PRKN: variants seen among roughly 807,000 people sequenced by gnomAD.
PRKN encodes the protein parkin RBR E3 ubiquitin protein ligase, also known as E3 ubiquitin-protein ligase parkin.
A neutral mutation model predicts 59.5 loss-of-function variants in PRKN; 56 were observed. That is an observed-to-expected ratio of 0.94 (90% CI 0.76 to 1.18). The LOEUF is 1.18. Among genes scored for constraint, PRKN ranks in the 50% most tolerant of loss-of-function variants. PRKN has a pLI of 0.00. For missense variants in PRKN, 657 were observed against 596.4 expected, an observed-to-expected ratio of 1.10 and a Z score of -1.06; for synonymous variants, 250 against 222.1, an observed-to-expected ratio of 1.13 and a Z score of -1.12.
At chr6:162,099,671 C>T (rs774393175) in intron 4 of PRKN, among the ~76,000 whole-genome samples, 5 of 152,120 alleles carry the variant, frequency 3.3e-5, no homozygotes, top group Non-Finnish European at 7.3e-5. Context: ...AAAATGATAT[C>T]TATTTATTGT....
At chr6:161,969,057 G>A (rs1450468705) in intron 6 of PRKN, among the ~76,000 whole-genome samples, 2 of 152,108 alleles carry the variant, frequency 1.3e-5, no homozygotes, top group Non-Finnish European at 1.5e-5. Flanking sequence ...CAAAAATTAT[G>A]CTGAAAGAGA....
intron 5 of PRKN, among the ~76,000 whole-genome samples, chr6:162,005,168 G>A (rs1328814046): frequency 6.6e-6 from 1 of 152,128 alleles, no homozygotes; most frequent in Non-Finnish European, 1.5e-5. Flanking sequence ...AAGAAAAAGG[G>A]AAATGACAAC....
chr6:161,411,970 C>T (rs200722286), intron 9 of PRKN, among the ~76,000 whole-genome samples: 2 of 85,564 alleles, frequency 2.3e-5, no homozygotes, highest in Non-Finnish European at 4.8e-5. Context: ...TCCTTCCTCA[C>T]CCATTCCTTC....
intron 6 of PRKN, among the ~76,000 whole-genome samples, chr6:161,945,864 C>A (rs550062173): frequency 1.1e-4 from 16 of 152,272 alleles, no homozygotes; most frequent in African/African-American, 3.4e-4. Context: ...TTAAAGCTCC[C>A]GAAATGGATG....
At position 161,842,650 on chromosome 6, in the gene PRKN, CA is replaced by C. The variant is rs1386380064; in HGVS notation, c.735-56743del. On this transcript the variant is annotated intron_variant, in intron 6 of 11. Coordinates refer to ENST00000366898, the MANE Select transcript of PRKN (RefSeq NM_004562.3). ...CACGATCTCAGCTCACTGCAACCAC[CA>C]CTTCCAGGGTTCACACGATTCTCCT... is the stretch of plus-strand genomic sequence containing the variant. 3.9e-3 allele frequency among the ~76,000 whole-genome samples: 599 copies of C among 152,090 alleles called. 5 individuals carry two copies. Among genetic ancestry groups the C allele is most frequent in the African/African-American group, 0.014 (574 of 41,506 alleles).
chr6:162,324,862 G>A (rs1212710651), intron 2 of PRKN, among the ~76,000 whole-genome samples: 1 of 152,024 alleles, frequency 6.6e-6, no homozygotes, highest in Non-Finnish European at 1.5e-5. Context: ...TGTCTCACAT[G>A]AACCAATGGC....
chr6:162,271,664 A>C (rs1780400789), intron 2 of PRKN: 1 of 152,220 alleles, frequency 6.6e-6, no homozygotes, highest in Admixed American at 6.5e-5. Context: ...AGATGTTCAC[A>C]GTAAGTCAGA....
chr6:161,831,433 G>A (rs1195334752), intron 6 of PRKN, among the ~76,000 whole-genome samples: 2 of 152,178 alleles, frequency 1.3e-5, no homozygotes, highest in Admixed American at 6.5e-5. Context: ...GGAAGAAACA[G>A]CATTGTCTTG....
chr6:161,663,279 G>C (rs1387058656), intron 7 of PRKN, among the ~76,000 whole-genome samples: 3 of 152,106 alleles, frequency 2.0e-5, no homozygotes, highest in Non-Finnish European at 4.4e-5. Context: ...GCAGCCTCTG[G>C]GGAGTGAAAT....
At chr6:162,536,222 T>C (rs1486939017) in intron 1 of PRKN, among the ~76,000 whole-genome samples, 1 of 152,164 alleles carries the variant, frequency 6.6e-6, no homozygotes, top group Non-Finnish European at 1.5e-5. Flanking sequence ...ACATGTGTGC[T>C]ATACTTCACT....
intron 6 of PRKN, among the ~76,000 whole-genome samples, chr6:161,875,582 A>C (rs990865898): frequency 3.9e-5 from 6 of 152,106 alleles, no homozygotes; most frequent in Non-Finnish European, 8.8e-5. Flanking sequence ...CGGCTATGGC[A>C]ATAAGAGGTA....
chr6:161,904,461 G>T (rs539573122), intron 6 of PRKN, among the ~76,000 whole-genome samples: 51 of 151,768 alleles, frequency 3.4e-4, no homozygotes, highest in African/African-American at 1.2e-3. Context: ...GACCACAGGC[G>T]CCTGCCACCA....
intron 5 of PRKN, among the ~76,000 whole-genome samples, chr6:162,039,025 G>A (rs531370855): frequency 1.3e-4 from 20 of 152,116 alleles, no homozygotes; most frequent in Middle Eastern, 3.4e-3. Context: ...GCGTGGTGGC[G>A]GACGCCTGTA....
chr6:162,158,123 T>C (rs1174030781), intron 4 of PRKN, among the ~76,000 whole-genome samples: 1 of 152,064 alleles, frequency 6.6e-6, no homozygotes, highest in Non-Finnish European at 1.5e-5. Flanking sequence ...ATAGGAAATA[T>C]AATACAAGGC....
chr6:162,714,136 G>C (rs554787027), intron 1 of PRKN, among the ~76,000 whole-genome samples: 2 of 152,078 alleles, frequency 1.3e-5, no homozygotes, highest in African/African-American at 4.8e-5. Flanking sequence ...TGAGGCTGTC[G>C]GCATGTCCCG....
intron 7 of PRKN, among the ~76,000 whole-genome samples, chr6:161,686,883 G>A (rs1785578077): frequency 6.6e-6 from 1 of 152,198 alleles, no homozygotes; most frequent in African/African-American, 2.4e-5. Flanking sequence ...ACAGTACCAG[G>A]AACCACGCCT....
At position 161,602,621 on chromosome 6, in the gene PRKN, T is replaced by G. The variant is rs151337526; in HGVS notation, c.872-33205A>C. ...ATTTGCTCTCTGTAGACTGCTGGAC[T>G]GTAAATAATCAGCCATCTCCAGCAT... On this transcript the variant is annotated intron_variant, in intron 7 of 11. Transcript: ENST00000366898. 2.7e-3 allele frequency among the ~76,000 whole-genome samples: 408 copies of G among 152,352 alleles called. 4 individuals carry two copies. The highest frequency in any genetic ancestry group is 3.4e-3 in the Middle Eastern group (1 of 292).
chr6:162,663,173 T>A (rs1226947829), intron 1 of PRKN, among the ~76,000 whole-genome samples: 2 of 152,134 alleles, frequency 1.3e-5, no homozygotes, highest in Non-Finnish European at 1.5e-5. Flanking sequence ...CTTTTATATA[T>A]CAGGGATTGC....
chr6:161,813,540 C>T (rs1562312152), intron 6 of PRKN, among the ~76,000 whole-genome samples: 1 of 152,174 alleles, frequency 6.6e-6, no homozygotes, highest in Non-Finnish European at 1.5e-5. Flanking sequence ...AGAAAATAAC[C>T]GGGAAGCCTA....
Sources: gnomAD v4.1 joint callset for allele counts (sites outside exome capture counted in the v4.1 genomes callset) on GRCh38, gnomAD v4.1.1 for gene constraint, MANE v1.5 for transcripts, NCBI Gene and HGNC (gene_info 2026-07-23, HGNC 2026-07-21) for gene names.